RGS7: variants seen among roughly 807,000 people sequenced by gnomAD.
The protein encoded by RGS7 is regulator of G protein signaling 7.
RGS7 carries 27 observed loss-of-function variants against 81.1 expected under a neutral mutation model. That is an observed-to-expected ratio of 0.33 (90% CI 0.25 to 0.46). The LOEUF is 0.46. Ranked by LOEUF, RGS7 falls within the 20% of genes least tolerant of loss-of-function variation. The probability of loss-of-function intolerance (pLI) is 1.00; values close to 1 mark genes in which losing one functional copy is unlikely to be tolerated. For missense variants in RGS7, 396 were observed against 607.4 expected, an observed-to-expected ratio of 0.65 and a Z score of 3.66; for synonymous variants, 208 against 207.7, an observed-to-expected ratio of 1.00 and a Z score of -0.01.
At chr1:241,161,466 C>T (rs1368420938) in intron 2 of RGS7, among the ~76,000 whole-genome samples, 1 of 148,610 alleles carries the variant, frequency 6.7e-6, no homozygotes, top group Non-Finnish European at 1.5e-5. Flanking sequence ...CAGTCCATGA[C>T]ACATTAATAA....
chr1:240,997,419 A>G (rs1558574419), intron 3 of RGS7, among the ~76,000 whole-genome samples: 1 of 152,176 alleles, frequency 6.6e-6, no homozygotes, highest in Non-Finnish European at 1.5e-5. Context: ...ATGTCTCTTC[A>G]TGTTCCTTTA....
chr1:241,208,770 A>G (rs2074072707), intron 2 of RGS7, among the ~76,000 whole-genome samples: 1 of 152,200 alleles, frequency 6.6e-6, no homozygotes, highest in African/African-American at 2.4e-5. Flanking sequence ...TCTGGCAAAC[A>G]AAGAGATTTC....
intron 2 of RGS7, among the ~76,000 whole-genome samples, chr1:241,313,263 T>A (rs12753589): frequency 0.27 from 41,858 of 152,228 alleles, 6,122 homozygotes; most frequent in African/African-American, 0.37. Context: ...TAGATTTTCC[T>A]TGTAGATGAA....
At chr1:240,982,672 G>A (rs181972073) in intron 4 of RGS7, among the ~76,000 whole-genome samples, 3 of 152,116 alleles carry the variant, frequency 2.0e-5, no homozygotes, top group Non-Finnish European at 4.4e-5. Flanking sequence ...ATAAAATACT[G>A]ATTTCAAACT....
chr1:240,821,939 T>C (rs537585280), intron 10 of RGS7, among the ~76,000 whole-genome samples: 1 of 152,318 alleles, frequency 6.6e-6, no homozygotes, highest in South Asian at 2.1e-4. Flanking sequence ...TTTTGTGACC[T>C]AGGACCCCTC....
chr1:241,220,993 G>GAAA (rs1558203230), intron 2 of RGS7, among the ~76,000 whole-genome samples: 1,187 of 74,918 alleles, frequency 0.016, 24 homozygotes, highest in Middle Eastern at 0.041. Flanking sequence ...AAGGAAGGAA[G>GAAA]GAAGAGAGAG....
chr1:241,340,705 AAAGAT>A (rs1219413957), intron 2 of RGS7, among the ~76,000 whole-genome samples: 6 of 152,182 alleles, frequency 3.9e-5, no homozygotes, highest in Admixed American at 6.5e-5. Context: ...AGAATAAGCA[AAAGAT>A]AAGAGAAACA....
At chr1:241,326,414 C>T (rs2081498366) in intron 2 of RGS7, among the ~76,000 whole-genome samples, 1 of 152,184 alleles carries the variant, frequency 6.6e-6, no homozygotes, top group Non-Finnish European at 1.5e-5. Flanking sequence ...TCCAGCTATA[C>T]CACCTGCTTT....
At position 240,931,289 on chromosome 1, in the gene RGS7, T is replaced by C. The variant is rs188814283; in HGVS notation, c.334-521A>G. On this transcript the variant is annotated intron_variant, in intron 5 of 18. Coordinates refer to ENST00000440928, the MANE Select transcript of RGS7 (RefSeq NM_001364886.1). ...TAATTCAGTTCTCAGCATTGTCCAA[T>C]GAGATTAAAGCAACTTTTTACTCTC... Among the ~76,000 whole-genome samples, 587 of 152,352 alleles carry C rather than the reference T, an allele frequency of 3.9e-3. 6 individuals carry two copies. Among genetic ancestry groups the C allele is most frequent in the African/African-American group, 0.014 (567 of 41,586 alleles).
At chr1:240,986,167 C>T (rs1057326279) in intron 3 of RGS7, among the ~76,000 whole-genome samples, 40 of 152,184 alleles carry the variant, frequency 2.6e-4, no homozygotes, top group African/African-American at 9.6e-4. Context: ...AGTTGCAGAG[C>T]TTTGTGCTCC....
At chr1:240,791,997 A>G (rs748702751) in intron 18 of RGS7, among the ~76,000 whole-genome samples, 24 of 152,228 alleles carry the variant, frequency 1.6e-4, no homozygotes, top group Non-Finnish European at 3.1e-4. Context: ...AAATGCTAAG[A>G]TTACATTACA....
rs1451413660 is a variant in RGS7, at chr1:240,986,621, G to A, written c.176-3492C>T. On this transcript the variant is annotated intron_variant, in intron 3 of 18. Coordinates refer to ENST00000440928, the MANE Select transcript of RGS7 (RefSeq NM_001364886.1). ...TTTTTTGAGACGGAGTCTCGCTGTC[G>A]CCCAGGCTGGAGTGCAGTGGCGCAA... is the stretch of plus-strand genomic sequence containing the variant. Among the ~76,000 whole-genome samples the A allele has an allele frequency of 2.0e-3, 2 of 998 alleles. 1 individual carries two copies. The highest frequency in any genetic ancestry group is 3.2e-3 in the Non-Finnish European group (2 of 626). The allele number at this position is 998 out of a possible 152,430, so 0.7% of individuals were successfully genotyped here.
At chr1:240,968,287 T>C (rs2148499023) in intron 4 of RGS7, among the ~76,000 whole-genome samples, 1 of 152,362 alleles carries the variant, frequency 6.6e-6, no homozygotes, top group South Asian at 2.1e-4. Flanking sequence ...GGGCATTCAG[T>C]AGAAGCAAAA....
At chr1:241,020,580 G>A (rs1248540113) in intron 3 of RGS7, among the ~76,000 whole-genome samples, 2 of 151,934 alleles carry the variant, frequency 1.3e-5, no homozygotes, top group African/African-American at 4.8e-5. Context: ...TTCCAAATAG[G>A]TCACATTCAC....
intron 3 of RGS7, among the ~76,000 whole-genome samples, chr1:241,019,130 T>C (rs1030644421): frequency 5.9e-5 from 9 of 152,142 alleles, no homozygotes; most frequent in African/African-American, 1.9e-4. Flanking sequence ...TGACTCACTC[T>C]AATGCTGGTC....
intron 3 of RGS7, among the ~76,000 whole-genome samples, chr1:241,073,294 G>T (rs2062589997): frequency 6.6e-6 from 1 of 152,172 alleles, no homozygotes; most frequent in Admixed American, 6.5e-5. Flanking sequence ...GGAAGAACGG[G>T]AGACTAACTC....
At chr1:241,157,030 A>G (rs1197528053) in intron 2 of RGS7, among the ~76,000 whole-genome samples, 1 of 152,130 alleles carries the variant, frequency 6.6e-6, no homozygotes, top group Non-Finnish European at 1.5e-5. Context: ...GTGTGAGTGT[A>G]CATATATGTT....
At chr1:241,148,047 T>C (rs1178795366) in intron 2 of RGS7, among the ~76,000 whole-genome samples, 3 of 123,928 alleles carry the variant, frequency 2.4e-5, no homozygotes, top group Non-Finnish European at 1.8e-5. Context: ...TTTCTTTTCT[T>C]TTTCTTTTTT....
rs193246053 is a variant in RGS7 at position 241,302,315 on chromosome 1, C to T, written c.78+53384G>A. On this transcript the variant is annotated intron_variant, in intron 2 of 18. Coordinates refer to ENST00000440928, the MANE Select transcript of RGS7 (RefSeq NM_001364886.1). ...CTGTAATCCCAGCACTTTGGGAGGCCGAGGTGGGTGGATCATGAGGTCAGG... is the reference window on the plus strand; with the variant it reads ...CTGTAATCCCAGCACTTTGGGAGGCTGAGGTGGGTGGATCATGAGGTCAGG... 3.7e-3 allele frequency among the ~76,000 whole-genome samples: 565 copies of T among 152,172 alleles called. 5 individuals are homozygous for T. Among genetic ancestry groups the T allele is most frequent in the African/African-American group, 0.013 (536 of 41,510 alleles).
Sources: gnomAD v4.1 joint callset for allele counts (sites outside exome capture counted in the v4.1 genomes callset) on GRCh38, gnomAD v4.1.1 for gene constraint, MANE v1.5 for transcripts, NCBI Gene and HGNC (gene_info 2026-07-23, HGNC 2026-07-21) for gene names.